Variants in DCDC1 observed in about 807,000 individuals in gnomAD.
DCDC1 encodes doublecortin domain containing 1.
DCDC1 carries 200 observed loss-of-function variants against 178.3 expected under a neutral mutation model. The ratio of observed to expected loss-of-function variants is 1.12; its 90% CI spans 1.00 to 1.26. DCDC1 has a LOEUF of 1.26. Among genes scored for constraint, DCDC1 ranks in the 50% most tolerant of loss-of-function variants. DCDC1 has a pLI of 0.00. For missense variants in DCDC1, 1,983 were observed against 1,749.2 expected, an observed-to-expected ratio of 1.13 and a Z score of -2.38; for synonymous variants, 690 against 604.8, an observed-to-expected ratio of 1.14 and a Z score of -2.07.
intron 20 of DCDC1, among the ~76,000 whole-genome samples, chr11:31,019,130 T>C (rs1177019979): frequency 6.6e-6 from 1 of 152,194 alleles, no homozygotes; most frequent in Non-Finnish European, 1.5e-5. Flanking sequence ...TCAATCTCAG[T>C]ATCCTCATCT....
rs572649668 is a variant in DCDC1, at chr11:30,953,490, A to G, written c.2592-922T>C. ...AATTTATAATATTAAGTGCTAATTT[A>G]TTAAAAGCTAAGTAGAGAAGGGAAA... On this transcript the variant is annotated intron_variant, in intron 20 of 38. Transcript: ENST00000684477. Among the ~76,000 whole-genome samples the G allele has an allele frequency of 5.3e-5, 8 of 152,018 alleles. No individual in the cohort carries two copies. The East Asian group carries it at 1.4e-3, about 26-fold the overall frequency.
intron 9 of DCDC1, among the ~76,000 whole-genome samples, chr11:31,188,440 G>A (rs888691976): frequency 5.9e-5 from 9 of 152,096 alleles, no homozygotes; most frequent in African/African-American, 1.2e-4. Flanking sequence ...CTCTGCTCTC[G>A]TGGAGCTTAA....
At chr11:30,964,111 G>C (rs1949284873) in intron 20 of DCDC1, among the ~76,000 whole-genome samples, 1 of 152,106 alleles carries the variant, frequency 6.6e-6, no homozygotes, top group African/African-American at 2.4e-5. Context: ...GCCACTCCTA[G>C]GGTGTGCAGT....
At chr11:31,257,771 G>A (rs771846418) in intron 8 of DCDC1, among the ~76,000 whole-genome samples, 1 of 151,538 alleles carries the variant, frequency 6.6e-6, no homozygotes, top group South Asian at 2.1e-4. Context: ...TAAATGCCAG[G>A]TGAAGGAGAT....
At chr11:31,278,428 C>T (rs1946151561) in intron 7 of DCDC1, among the ~76,000 whole-genome samples, 1 of 151,974 alleles carries the variant, frequency 6.6e-6, no homozygotes, top group South Asian at 2.1e-4. Flanking sequence ...ACACAAATAC[C>T]ACATGATTTC....
At chr11:31,342,443 T>C (rs942341005) in intron 1 of DCDC1, among the ~76,000 whole-genome samples, 1 of 152,172 alleles carries the variant, frequency 6.6e-6, no homozygotes, top group East Asian at 1.9e-4. Flanking sequence ...CTTGGAAGCA[T>C]TTGGCACAGG....
chr11:30,928,199 C>CTTCTT (rs1427493794), intron 22 of DCDC1, among the ~76,000 whole-genome samples: 1 of 152,040 alleles, frequency 6.6e-6, no homozygotes, highest in Non-Finnish European at 1.5e-5. Context: ...CTCTCTCTTA[C>CTTCTT]TTCTTCTCCT....
At chr11:31,037,124 A>T (rs1443453235) in intron 20 of DCDC1, among the ~76,000 whole-genome samples, 2 of 152,166 alleles carry the variant, frequency 1.3e-5, no homozygotes, top group East Asian at 3.9e-4. Flanking sequence ...ACCCTCACTG[A>T]AGTAGAGAGT....
At chr11:30,983,031 A>C (rs1950469500) in intron 20 of DCDC1, among the ~76,000 whole-genome samples, 1 of 152,050 alleles carries the variant, frequency 6.6e-6, no homozygotes, top group African/African-American at 2.4e-5. Context: ...GCTTTAAACT[A>C]CTCTACAGCT....
intron 17 of DCDC1, among the ~76,000 whole-genome samples, chr11:31,080,822 A>G (rs952797903): frequency 6.6e-6 from 1 of 152,222 alleles, no homozygotes; most frequent in East Asian, 1.9e-4. Context: ...TGTTTCATAA[A>G]TTATTGTGAG....
At chr11:31,331,758 T>C (rs1026494688) in intron 2 of DCDC1, among the ~76,000 whole-genome samples, 9 of 152,200 alleles carry the variant, frequency 5.9e-5, no homozygotes, top group Non-Finnish European at 1.2e-4. Flanking sequence ...AGCTTTTTGA[T>C]GTGCTGCTGG....
rs764146895 is a variant in DCDC1, at chr11:30,881,158, C to A, written c.5233G>T (p.Glu1745Ter). Residue 1745 changes from glutamate (E) to a stop codon, truncating the protein, a stop_gained and splice_region_variant, in exon 37 of 39, where the codon GAG becomes TAG. Transcript: ENST00000684477. LOFTEE classifies it high-confidence loss of function. ...SMGHGFKTPK[E>*]LKQLMEIRAN... ...ATGGAAAAGAAACTATCATGCATAC[C>A]TTTTGGGGTTTTGAAACCATGTCCC... 1 of 1,612,838 alleles carries A rather than the reference C, an allele frequency of 6.2e-7. No individual in the cohort carries two copies. The highest frequency in any genetic ancestry group is 8.5e-7 in the Non-Finnish European group (1 of 1,179,310).
intron 21 of DCDC1, among the ~76,000 whole-genome samples, chr11:30,944,805 CAAGT>C (rs1035081164): frequency 2.1e-4 from 32 of 152,064 alleles, no homozygotes; most frequent in African/African-American, 7.2e-4. Flanking sequence ...TTTTGGTTTA[CAAGT>C]AAGGGACAGA....
chr11:30,991,993 T>C (rs1054807109), intron 20 of DCDC1, among the ~76,000 whole-genome samples: 1 of 152,004 alleles, frequency 6.6e-6, no homozygotes, highest in African/African-American at 2.4e-5. Flanking sequence ...GTATGTGCCA[T>C]GCACTTCTGT....
chr11:30,959,283 A>G (rs1948949402), intron 20 of DCDC1, among the ~76,000 whole-genome samples: 1 of 152,132 alleles, frequency 6.6e-6, no homozygotes, highest in South Asian at 2.1e-4. Context: ...CCTATAAGAT[A>G]GGGATATTGT....
intron 7 of DCDC1, among the ~76,000 whole-genome samples, chr11:31,276,165 T>G (rs1945972727): frequency 6.6e-6 from 1 of 152,216 alleles, no homozygotes. Context: ...AAAAATACAT[T>G]TTTTGGTCCC....
intron 9 of DCDC1, among the ~76,000 whole-genome samples, chr11:31,195,750 G>A (rs1313911760): frequency 6.6e-6 from 1 of 151,792 alleles, no homozygotes; most frequent in Non-Finnish European, 1.5e-5. Flanking sequence ...CATAAAAGCT[G>A]GGACCATAAA....
chr11:31,240,525 G>C (rs1424461524), intron 9 of DCDC1, among the ~76,000 whole-genome samples: 1 of 151,958 alleles, frequency 6.6e-6, no homozygotes, highest in Non-Finnish European at 1.5e-5. Flanking sequence ...TGAACACTAA[G>C]ACTGATAGCC....
At chr11:31,305,434 A>C (rs532951922) in intron 6 of DCDC1, among the ~76,000 whole-genome samples, 181 bp downstream of exon 6, 1 of 152,322 alleles carries the variant, frequency 6.6e-6, no homozygotes, top group Admixed American at 6.5e-5. Context: ...AAGGGCAATA[A>C]ACGTGGCTGT....
Sources: allele counts gnomAD v4.1 joint callset (sites outside exome capture counted in the v4.1 genomes callset), GRCh38; gene constraint gnomAD v4.1.1; transcripts MANE v1.5; gene names NCBI Gene and HGNC (gene_info 2026-07-23, HGNC 2026-07-21).